Variants in ARID1B observed in about 807,000 individuals in gnomAD.
ARID1B encodes AT-rich interactive domain-containing protein 1B.
Under a neutral mutation model 212.3 loss-of-function variants are expected in ARID1B, and 30 were observed. The observed-to-expected ratio is 0.14, with a 90% CI of 0.11 to 0.19. ARID1B has a LOEUF of 0.19. ARID1B is among the 10% of genes least tolerant of loss of function. The pLI is 1.00. For synonymous variants in ARID1B, 1,402 were observed against 1,301.7 expected, an observed-to-expected ratio of 1.08 and a Z score of -1.66; for missense variants, 2,891 against 3,204.0, an observed-to-expected ratio of 0.90 and a Z score of 2.36.
At chr6:157,171,383 C>T (rs1791709039) in intron 9 of ARID1B, among the ~76,000 whole-genome samples, 2 of 152,214 alleles carry the variant, frequency 1.3e-5, no homozygotes, top group East Asian at 3.8e-4. Context: ...TGATTTAACA[C>T]GTCCTTGTAA....
chr6:156,992,778 G>A (rs1778346499), intron 4 of ARID1B, among the ~76,000 whole-genome samples: 1 of 152,162 alleles, frequency 6.6e-6, no homozygotes, highest in African/African-American at 2.4e-5. Flanking sequence ...GGCACTGTGC[G>A]GTGGGCAACA....
At chr6:156,957,766 T>A (rs1794075487) in intron 4 of ARID1B, among the ~76,000 whole-genome samples, 1 of 152,192 alleles carries the variant, frequency 6.6e-6, no homozygotes, top group Non-Finnish European at 1.5e-5. Context: ...CTAGGGCTTT[T>A]CATGACTCTC....
At position 157,210,119 on chromosome 6, in the gene ARID1B, T is replaced by C; in HGVS notation, c.*2228T>C. ...AAAAAATCATCTTTTCTGCAAACAG[T>C]CTCTCATCTGTCAACTCCCACATTA... On this transcript the variant is annotated 3_prime_UTR_variant, in exon 20 of 20. Transcript: ENST00000636930. 1 of 232,690 alleles carries C rather than the reference T, an allele frequency of 4.3e-6. No individual in the cohort carries two copies. Among genetic ancestry groups the C allele is most frequent in the Non-Finnish European group, 8.5e-6 (1 of 117,720 alleles). The allele number at this position is 232,690 out of a possible 1,614,324, so 14.4% of individuals were successfully genotyped here. A position where few individuals can be genotyped will look rare whatever the true frequency, so the allele number is the denominator to read the frequency against.
intron 11 of ARID1B, among the ~76,000 whole-genome samples, chr6:157,178,284 T>C (rs1216238462): frequency 6.6e-6 from 1 of 151,632 alleles, no homozygotes; most frequent in Non-Finnish European, 1.5e-5. Flanking sequence ...AAAAAAAAAA[T>C]GCTATCACAG....
rs60774738 is a variant in ARID1B, at chr6:156,929,318, T to A, written c.2137-6148T>A. Among the ~76,000 whole-genome samples, 376 of 152,064 alleles carry A rather than the reference T, an allele frequency of 2.5e-3. 2 individuals carry two copies. The highest frequency in any genetic ancestry group is 8.4e-3 in the African/African-American group (350 of 41,440). On this transcript the variant is annotated intron_variant, in intron 3 of 19. Coordinates refer to ENST00000636930, the MANE Select transcript of ARID1B (RefSeq NM_001374828.1). ...TCGCTTTCCTTTTGGAAATGATATT[T>A]GAAATTCATCTACACACAGAAAGTG...
At chr6:157,085,130 A>G (rs1221994073) in intron 5 of ARID1B, among the ~76,000 whole-genome samples, 7 of 152,188 alleles carry the variant, frequency 4.6e-5, no homozygotes, top group Non-Finnish European at 7.3e-5. Flanking sequence ...GATAATTTCA[A>G]TTTGCATATT....
intron 4 of ARID1B, among the ~76,000 whole-genome samples, chr6:157,044,350 C>T (rs1034613901): frequency 3.4e-5 from 5 of 147,386 alleles, no homozygotes; most frequent in Admixed American, 6.8e-5. Flanking sequence ...TAAATTTGAG[C>T]TGCTTTCTGT....
chr6:156,867,369 G>C (rs1397304281), intron 2 of ARID1B, among the ~76,000 whole-genome samples: 2 of 152,182 alleles, frequency 1.3e-5, no homozygotes, highest in Non-Finnish European at 2.9e-5. Flanking sequence ...GAAGAGCCAG[G>C]CTGAGTGCCG....
intron 4 of ARID1B, among the ~76,000 whole-genome samples, chr6:157,034,030 T>C (rs962948874): frequency 3.9e-5 from 6 of 152,234 alleles, no homozygotes; most frequent in Non-Finnish European, 2.9e-5. Context: ...TTGGCTATTA[T>C]GTCCTAATTT....
At chr6:156,961,863 ATGT>A (rs922032363) in intron 4 of ARID1B, among the ~76,000 whole-genome samples, 2 of 152,152 alleles carry the variant, frequency 1.3e-5, no homozygotes, top group African/African-American at 4.8e-5. Context: ...AATAAACATA[ATGT>A]TGGGGTGGGG....
chr6:156,973,302 GTTCT>G (rs1027032715), intron 4 of ARID1B, among the ~76,000 whole-genome samples: 1 of 152,162 alleles, frequency 6.6e-6, no homozygotes, highest in African/African-American at 2.4e-5. Context: ...GTAACAGCGA[GTTCT>G]TTAGAACTGT....
intron 4 of ARID1B, among the ~76,000 whole-genome samples, chr6:157,021,006 G>T (rs977753628): frequency 6.6e-6 from 1 of 152,222 alleles, no homozygotes; most frequent in African/African-American, 2.4e-5. Context: ...CGCTTGCCCT[G>T]AACAGCGGCC....
intron 3 of ARID1B, among the ~76,000 whole-genome samples, chr6:156,916,910 A>G (rs1790401680): frequency 6.6e-6 from 1 of 152,090 alleles, no homozygotes. Context: ...TGTTCCAACA[A>G]TCAGGTAACT....
chr6:157,158,646 C>T (rs764660893), intron 8 of ARID1B, among the ~76,000 whole-genome samples: 12 of 152,154 alleles, frequency 7.9e-5, no homozygotes, highest in Non-Finnish European at 1.2e-4. Context: ...TCTAAGAGAC[C>T]TGCTCCCTCC....
At chr6:156,935,384 T>C in intron 3 of ARID1B, 82 bp from the exon 4 acceptor site, 1 of 1,243,196 alleles carries the variant, frequency 8.0e-7, no homozygotes, top group Non-Finnish European at 1.2e-6. Context: ...CCAGCCAAGC[T>C]TTTGTTTAAT....
At chr6:156,822,686 T>C (rs530837232) in intron 1 of ARID1B, among the ~76,000 whole-genome samples, 6 of 152,310 alleles carry the variant, frequency 3.9e-5, no homozygotes, top group Admixed American at 1.3e-4. Context: ...TTCAGTATTA[T>C]CATTGTCTTT....
chr6:156,901,387 G>A lies in ARID1B; in HGVS notation c.1998G>A (p.Gln666=). ...TGACTTTTTGACAGATGCCACCTCA[G>A]TATGGACAGCAAGGTGTGAGTGGTT... ...MQYPQQQMPP[Q]YGQQGVSGYC... is the part of the protein sequence containing the mutation. Residue 666 remains glutamine (Q), a synonymous_variant, in exon 3 of 20, where the codon CAG becomes CAA. Coordinates refer to ENST00000636930, the MANE Select transcript of ARID1B (RefSeq NM_001374828.1). The A allele has an allele frequency of 1.2e-6, 2 of 1,614,138 alleles. No homozygotes were observed. Among genetic ancestry groups the A allele is most frequent in the Non-Finnish European group, 1.7e-6 (2 of 1,180,044 alleles).
chr6:157,111,194 C>G lies in ARID1B; in HGVS notation c.2581+633C>G, dbSNP rs529455840. The stretch of plus-strand genomic sequence containing the variant: ...TTGGAGAGAAGTGGCCCCACATCTG[C>G]CAGTGCTCTTGACCTTTAGCTCAGT... On this transcript the variant is annotated intron_variant, in intron 6 of 19. Transcript: ENST00000636930. 2.0e-5 allele frequency: 3 copies of G among 153,240 alleles called. No individual in the cohort carries two copies. The South Asian group carries it at 6.2e-4, about 32-fold the overall frequency. The allele number at this position is 153,240 out of a possible 1,614,324, so 9.5% of individuals were successfully genotyped here. A position where few individuals can be genotyped will look rare whatever the true frequency, so the allele number is the denominator to read the frequency against.
chr6:156,982,345 C>T (rs1018285569), intron 4 of ARID1B, among the ~76,000 whole-genome samples: 12 of 151,366 alleles, frequency 7.9e-5, no homozygotes, highest in African/African-American at 2.9e-4. Flanking sequence ...GTGACGTTGC[C>T]CTTTCTTTCT....
Sources: allele counts gnomAD v4.1 joint callset (sites outside exome capture counted in the v4.1 genomes callset), GRCh38; gene constraint gnomAD v4.1.1; transcripts MANE v1.5; gene names NCBI Gene and HGNC (gene_info 2026-07-23, HGNC 2026-07-21).